Variants in ATP5PO observed in about 807,000 individuals in gnomAD.
The protein encoded by ATP5PO is ATP synthase peripheral stalk subunit OSCP.
In ATP5PO, 14 loss-of-function variants were observed where a neutral mutation model predicts 26.2. The observed-to-expected ratio is 0.53, with a 90% CI of 0.35 to 0.83. The LOEUF is 0.83. Among genes scored for constraint, ATP5PO ranks in the 40% least tolerant of loss-of-function variants. ATP5PO has a pLI of 0.01. For synonymous variants in ATP5PO, 106 were observed against 95.1 expected, an observed-to-expected ratio of 1.12 and a Z score of -0.67; for missense variants, 241 against 258.5, an observed-to-expected ratio of 0.93 and a Z score of 0.46.
In ATP5PO at chr21:33,912,404, A is replaced by T. The variant is rs1482497483; in HGVS notation, c.88-5T>A. The stretch of plus-strand genomic sequence containing the variant: ...ACCGTATACCTGAACAGGAGGCTTT[A>T]AAAAAAAGGTGAAATAGGAGAGGAA... On this transcript the variant is annotated splice_polypyrimidine_tract_variant and splice_region_variant and intron_variant, in intron 2 of 6. Coordinates refer to ENST00000290299, the MANE Select transcript of ATP5PO (RefSeq NM_001697.3). The T allele has an allele frequency of 1.3e-6, 2 of 1,577,822 alleles. No individual in the cohort carries two copies. The highest frequency in any genetic ancestry group is 2.3e-5 in the South Asian group (2 of 87,304).
At chr21:33,903,703 G>T in intron 6 of ATP5PO, 64 bp from the exon 7 acceptor site, 1 of 1,540,518 alleles carries the variant, frequency 6.5e-7, no homozygotes, top group Non-Finnish European at 9.0e-7. Context: ...ACAAAAAAGT[G>T]TTTTGAAAGG....
intron 5 of ATP5PO, 90 bp from the exon 6 acceptor site, chr21:33,904,111 G>T: frequency 9.2e-7 from 1 of 1,087,780 alleles, no homozygotes; most frequent in Non-Finnish European, 1.3e-6. Flanking sequence ...ACCAAGACAG[G>T]CCTTGTGAGC....
intron 3 of ATP5PO, 68 bp downstream of exon 3, chr21:33,912,217 AATGC>A: frequency 4.5e-6 from 6 of 1,324,362 alleles, no homozygotes; most frequent in Non-Finnish European, 5.3e-6. Flanking sequence ...CCTCATTAGG[AATGC>A]ACAAACAACC....
Position 33,915,735 on chromosome 21 carries a change from G to T in ATP5PO, c.29C>A (p.Ser10Tyr). Residue 10 changes from serine to tyrosine, a missense_variant, in exon 1 of 7, where the codon TCC (serine) becomes TAC (tyrosine). This residue lies in a region of ATP5PO where 125 missense variants were observed against 108.5 expected (regional missense o/e 1.15). Transcript: ENST00000290299. MAAPAVSGL[S>Y]RQVRCFSTSV... ...GGACCACCTTTCTCTCACCTGCCGG[G>T]AGAGCCCGGACACTGCTGGGGCAGC... 6.3e-7 allele frequency: 1 copy of T among 1,575,842 alleles called. No homozygotes were observed. Among genetic ancestry groups the T allele is most frequent in the Non-Finnish European group, 8.6e-7 (1 of 1,160,638 alleles).
At chr21:33,908,169 CAAAAAAAAAA>C (rs34768404) in intron 4 of ATP5PO, among the ~76,000 whole-genome samples, 2 of 97,662 alleles carry the variant, frequency 2.0e-5, no homozygotes, top group African/African-American at 7.9e-5. Context: ...CACCCAGGCT[CAAAAAAAAAA>C]AAAAAAAAAA....
Position 33,903,603 on chromosome 21 carries a change from T to C in ATP5PO, c.565A>G (p.Ile189Val), listed in dbSNP as rs75701641. ...PSILGGMIVR[I>V]GEKYVDMSVK... is the part of the protein sequence containing the mutation. Reference sequence around the variant, plus strand: ...GACATGTCAACATATTTCTCGCCAATGCGCACAATCATTCCACCCAAGATT... The same window carrying C: ...GACATGTCAACATATTTCTCGCCAACGCGCACAATCATTCCACCCAAGATT... The change falls in exon 7 of 7, where the codon ATT becomes GTT. Residue 189 changes from isoleucine to valine, a missense_variant. Ile to Val is a conservative substitution (Grantham distance 29). Coordinates refer to ENST00000290299, the MANE Select transcript of ATP5PO (RefSeq NM_001697.3). 3.9e-4 allele frequency: 629 copies of C among 1,614,182 alleles called. 4 individuals are homozygous for C. The African/African-American group carries it at 5.3e-3, about 14-fold the overall frequency.
chr21:33,903,631 C>G lies in ATP5PO; in HGVS notation c.537G>C (p.Pro179=). 1 of 1,613,868 alleles carries G rather than the reference C, an allele frequency of 6.2e-7. No homozygotes were observed. Among genetic ancestry groups the G allele is most frequent in the Non-Finnish European group, 8.5e-7 (1 of 1,179,900 alleles). Residue 179 remains proline (P), a synonymous_variant, in exon 7 of 7, where the codon CCG becomes CCC. Transcript: ENST00000290299. ...GCACAATCATTCCACCCAAGATTGA[C>G]GGATCAGTCTACAAAAGAAGTAAGA... ...QVLKLEAKTD[P]SILGGMIVRI... is the part of the protein sequence containing the mutation.
At chr21:33,910,271 T>G (rs1009379624) in intron 3 of ATP5PO, among the ~76,000 whole-genome samples, 1 of 152,146 alleles carries the variant, frequency 6.6e-6, no homozygotes, top group African/African-American at 2.4e-5. Context: ...AGGATACTGG[T>G]CAGATACTAT....
At chr21:33,903,812 A>G in intron 6 of ATP5PO, 123 bp downstream of exon 6, 4 of 1,118,884 alleles carry the variant, frequency 3.6e-6, no homozygotes, top group Non-Finnish European at 5.0e-6. Flanking sequence ...TAAAATAAAT[A>G]CAAAATTTTA....
chr21:33,905,921 A>G (rs1400493045), intron 5 of ATP5PO, among the ~76,000 whole-genome samples: 4 of 149,834 alleles, frequency 2.7e-5, no homozygotes, highest in African/African-American at 9.8e-5. Flanking sequence ...CAAAAAAGAA[A>G]AAAAAAAAAA....
intron 3 of ATP5PO, among the ~76,000 whole-genome samples, chr21:33,909,562 G>A (rs28427431): frequency 5.3e-5 from 8 of 152,032 alleles, no homozygotes; most frequent in Admixed American, 2.6e-4. Context: ...CACTGTGCCC[G>A]GCCATACAAA....
chr21:33,905,302 C>T (rs1987155409), intron 5 of ATP5PO, among the ~76,000 whole-genome samples: 1 of 152,076 alleles, frequency 6.6e-6, no homozygotes, highest in African/African-American at 2.4e-5. Context: ...CTATGCCAGG[C>T]ACATTTCATG....
At position 33,906,840 on chromosome 21, in the gene ATP5PO, A is replaced by C. The variant is rs76456482; in HGVS notation, c.441+501T>G. 3,558 of 449,260 alleles carry C rather than the reference A, an allele frequency of 7.9e-3. 117 individuals are homozygous for C. Among genetic ancestry groups the C allele is most frequent in the African/African-American group, 0.065 (3,246 of 49,922 alleles). The allele number at this position is 449,260 out of a possible 1,614,324, so 27.8% of individuals were successfully genotyped here. A position where few individuals can be genotyped will look rare whatever the true frequency, so the allele number is the denominator to read the frequency against. On this transcript the variant is annotated intron_variant, in intron 5 of 6. Coordinates refer to ENST00000290299, the MANE Select transcript of ATP5PO (RefSeq NM_001697.3). ...TCCATCACTATAAAAAACACACAAA[A>C]ATTAGCCGGGTGTGGTGGGGGTGCA...
At chr21:33,906,040 G>A (rs1054906816) in intron 5 of ATP5PO, among the ~76,000 whole-genome samples, 4 of 152,046 alleles carry the variant, frequency 2.6e-5, no homozygotes, top group Non-Finnish European at 5.9e-5. Flanking sequence ...ACACTGTTAG[G>A]GATAACTGAT....
intron 5 of ATP5PO, among the ~76,000 whole-genome samples, chr21:33,905,116 G>A (rs6517196): frequency 0.32 from 49,158 of 151,942 alleles, 8,002 homozygotes; most frequent in African/African-American, 0.39. Flanking sequence ...AAATTTGGCA[G>A]AAAAATTTAT....
intron 1 of ATP5PO, chr21:33,914,807 TATTTAACCAAA>T: frequency 3.5e-6 from 1 of 282,934 alleles, no homozygotes; most frequent in East Asian, 7.2e-5. Context: ...GTTTCAAAAA[TATTTAACCAAA>T]ATTTTGGCGT....
chr21:33,903,744 T>C (rs1034962072), intron 6 of ATP5PO, 105 bp from the exon 7 acceptor site: 18 of 1,254,618 alleles, frequency 1.4e-5, no homozygotes, highest in Non-Finnish European at 1.8e-5. Context: ...TAAGAGGTTA[T>C]AATTACACCT....
At position 33,915,733 on chromosome 21, in the gene ATP5PO, G is replaced by T; in HGVS notation, c.31C>A (p.Arg11=). The change falls in exon 1 of 7, where the codon CGG becomes AGG. Residue 11 remains arginine, a synonymous_variant. Transcript: ENST00000290299. MAAPAVSGLS[R]QVRCFSTSVV... ...CAGGACCACCTTTCTCTCACCTGCC[G>T]GGAGAGCCCGGACACTGCTGGGGCA... 1 of 1,575,028 alleles carries T rather than the reference G, an allele frequency of 6.3e-7. No individual in the cohort carries two copies. The highest frequency in any genetic ancestry group is 2.3e-5 in the East Asian group (1 of 42,908).
intron 4 of ATP5PO, chr21:33,908,864 T>C (rs1987210251): frequency 4.3e-6 from 2 of 470,142 alleles, no homozygotes; most frequent in Non-Finnish European, 7.4e-6. Flanking sequence ...GCTTAGGTCC[T>C]AGTATCCTTT....
Sources: gnomAD v4.1 joint callset for allele counts (sites outside exome capture counted in the v4.1 genomes callset) on GRCh38, gnomAD v4.1.1 for gene constraint, gnomAD v4.1.1 regional missense constraint, MANE v1.5 for transcripts, NCBI Gene and HGNC (gene_info 2026-07-23, HGNC 2026-07-21) for gene names.